Variants in ROBO1 observed in about 807,000 individuals in gnomAD.
ROBO1 encodes roundabout guidance receptor 1, also known as roundabout homolog 1.
ROBO1 carries 149 observed loss-of-function variants against 195.9 expected under a neutral mutation model. That is an observed-to-expected ratio of 0.76 (90% CI 0.67 to 0.87). The LOEUF is 0.87. ROBO1 is among the 40% of genes least tolerant of loss of function. The pLI is 0.00. For missense variants in ROBO1, 1,933 were observed against 2,068.3 expected, an observed-to-expected ratio of 0.93 and a Z score of 1.27; for synonymous variants, 816 against 733.2, an observed-to-expected ratio of 1.11 and a Z score of -1.82.
At chr3:79,248,612 C>A (rs1196944279) in intron 2 of ROBO1, among the ~76,000 whole-genome samples, 1 of 152,030 alleles carries the variant, frequency 6.6e-6, no homozygotes, top group African/African-American at 2.4e-5. Flanking sequence ...AATATTGCTA[C>A]TGAGTGAAGA....
rs2108415532 is a variant in ROBO1, at chr3:78,769,454, T to C, written c.500-22554A>G. Among the ~76,000 whole-genome samples the C allele has an allele frequency of 2.0e-5, 3 of 152,222 alleles. No homozygotes were observed. In the East Asian group the frequency reaches 5.8e-4, roughly 29 times the overall value. Reference sequence around the variant, plus strand: ...CTTTAAGTTTGTGTGAGTCCTTTTGTGTTAGGTGAGTCTCCTGAAGGCAGT... The same window carrying C: ...CTTTAAGTTTGTGTGAGTCCTTTTGCGTTAGGTGAGTCTCCTGAAGGCAGT... On this transcript the variant is annotated intron_variant, in intron 4 of 30. Coordinates refer to ENST00000464233, the MANE Select transcript of ROBO1 (RefSeq NM_002941.4).
Position 79,538,495 on chromosome 3 carries a change from T to C in ROBO1, c.88+51329A>G, listed in dbSNP as rs57592195. Among the ~76,000 whole-genome samples the C allele has an allele frequency of 1.0e-3, 155 of 152,196 alleles. 1 individual carries two copies. Among genetic ancestry groups the C allele is most frequent in the African/African-American group, 3.7e-3 (153 of 41,544 alleles). ...ATCACAAAAATGAATGCCCCAAATA[T>C]TGGGTTGTGTCAGCTGTGCTTACTT... is the stretch of plus-strand genomic sequence containing the variant. On this transcript the variant is annotated intron_variant, in intron 2 of 30. Coordinates refer to ENST00000464233, the MANE Select transcript of ROBO1 (RefSeq NM_002941.4).
intron 2 of ROBO1, among the ~76,000 whole-genome samples, chr3:79,496,179 C>T (rs575975152): frequency 1.5e-5 from 2 of 130,172 alleles, no homozygotes; most frequent in South Asian, 5.2e-4. Context: ...CACCAATGCA[C>T]TCCAAACTAG....
chr3:79,052,225 G>A (rs2078714033), intron 3 of ROBO1, among the ~76,000 whole-genome samples: 1 of 152,204 alleles, frequency 6.6e-6, no homozygotes, highest in Non-Finnish European at 1.5e-5. Context: ...TGGCCGCTCT[G>A]GGAGTGTTTG....
At chr3:78,642,548 A>C (rs183291768) in intron 21 of ROBO1, among the ~76,000 whole-genome samples, 2 of 152,292 alleles carry the variant, frequency 1.3e-5, no homozygotes, top group Admixed American at 6.5e-5. Context: ...TGGTATTGGC[A>C]TTCTCTACCA....
At chr3:79,542,206 C>G (rs1290140109) in intron 2 of ROBO1, among the ~76,000 whole-genome samples, 1 of 151,934 alleles carries the variant, frequency 6.6e-6, no homozygotes, top group Non-Finnish European at 1.5e-5. Context: ...ATTAAAATGT[C>G]TAAAATCACA....
At chr3:78,599,934 G>A in intron 30 of ROBO1, 179 bp downstream of exon 30, 3 of 653,370 alleles carry the variant, frequency 4.6e-6, no homozygotes, top group Non-Finnish European at 8.2e-6. Flanking sequence ...TTAAAACTTT[G>A]GGACACATTT....
At chr3:78,648,118 A>C (rs1439173581) in intron 19 of ROBO1, among the ~76,000 whole-genome samples, 1 of 152,050 alleles carries the variant, frequency 6.6e-6, no homozygotes, top group Admixed American at 6.6e-5. Flanking sequence ...TGAGAGAAAA[A>C]AAAGAGAGAA....
At chr3:79,683,285 C>T (rs1009234998) in intron 1 of ROBO1, among the ~76,000 whole-genome samples, 4 of 151,842 alleles carry the variant, frequency 2.6e-5, no homozygotes, top group South Asian at 2.1e-4. Flanking sequence ...CTCTGTCATG[C>T]GATAAGATGC....
chr3:79,667,430 C>G (rs188500118), intron 1 of ROBO1, among the ~76,000 whole-genome samples: 47 of 151,778 alleles, frequency 3.1e-4, no homozygotes, highest in Non-Finnish European at 6.0e-4. Flanking sequence ...AAATAACATT[C>G]TTCGGGTCTT....
intron 2 of ROBO1, among the ~76,000 whole-genome samples, chr3:79,257,129 T>A (rs2029908620): frequency 6.6e-6 from 1 of 152,194 alleles, no homozygotes; most frequent in Admixed American, 6.5e-5. Context: ...ATCCTTGGTA[T>A]AATGTTTGTA....
chr3:78,894,683 T>C (rs1176453452), intron 4 of ROBO1, among the ~76,000 whole-genome samples: 3 of 152,206 alleles, frequency 2.0e-5, no homozygotes, highest in Admixed American at 6.5e-5. Context: ...CAAATTATCA[T>C]TGAAATCCAC....
At chr3:79,262,393 T>C (rs1182016852) in intron 2 of ROBO1, among the ~76,000 whole-genome samples, 1 of 152,104 alleles carries the variant, frequency 6.6e-6, no homozygotes, top group African/African-American at 2.4e-5. Context: ...TGCTAGAATC[T>C]TACCTCATCA....
At chr3:78,860,044 A>T (rs900528702) in intron 4 of ROBO1, among the ~76,000 whole-genome samples, 12 of 151,014 alleles carry the variant, frequency 7.9e-5, no homozygotes, top group Non-Finnish European at 1.2e-4. Flanking sequence ...GTGCCACTGC[A>T]CTCCAGCCTG....
intron 2 of ROBO1, among the ~76,000 whole-genome samples, chr3:79,384,130 T>A (rs996447607): frequency 3.3e-5 from 5 of 152,022 alleles, no homozygotes; most frequent in Admixed American, 2.0e-4. Context: ...ATATTGATAG[T>A]TTAACTTGAC....
At chr3:79,292,713 C>T (rs1356653693) in intron 2 of ROBO1, among the ~76,000 whole-genome samples, 1 of 152,116 alleles carries the variant, frequency 6.6e-6, no homozygotes, top group Non-Finnish European at 1.5e-5. Flanking sequence ...GCCTTGCATC[C>T]CAAGGACGAA....
chr3:78,693,567 G>A (rs1041745409), intron 8 of ROBO1, among the ~76,000 whole-genome samples: 5 of 152,042 alleles, frequency 3.3e-5, no homozygotes, highest in African/African-American at 1.2e-4. Flanking sequence ...AAATAGAAAT[G>A]AAGCTTAAAT....
intron 2 of ROBO1, among the ~76,000 whole-genome samples, chr3:79,467,644 A>G (rs1435727033): frequency 6.6e-6 from 1 of 151,994 alleles, no homozygotes; most frequent in Non-Finnish European, 1.5e-5. Flanking sequence ...TCCCACTGAG[A>G]GCCAACTCCA....
chr3:79,435,215 AAAAT>A (rs746715449), intron 2 of ROBO1, among the ~76,000 whole-genome samples: 20 of 152,120 alleles, frequency 1.3e-4, no homozygotes, highest in Non-Finnish European at 2.8e-4. Flanking sequence ...AGTATAATAA[AAAAT>A]AAATAAATAA....
Sources: gnomAD v4.1 joint callset for allele counts (sites outside exome capture counted in the v4.1 genomes callset) on GRCh38, gnomAD v4.1.1 for gene constraint, MANE v1.5 for transcripts, NCBI Gene and HGNC (gene_info 2026-07-23, HGNC 2026-07-21) for gene names.